The following MRPL20 variants were observed in gnomAD, a reference collection of about 807,000 sequenced individuals.
MRPL20 encodes mitochondrial ribosomal protein L20.
MRPL20 carries 21 observed loss-of-function variants against 20.0 expected under a neutral mutation model. The observed-to-expected ratio is 1.05, with a 90% CI of 0.74 to 1.51. MRPL20 has a LOEUF of 1.51. Among genes scored for constraint, MRPL20 ranks in the 40% most tolerant of loss-of-function variants. The pLI, the probability that MRPL20 is intolerant of heterozygous loss-of-function variation, is 0.00. For synonymous variants in MRPL20, 104 were observed against 73.0 expected (o/e 1.43, Z -2.17); for missense variants, 252 against 185.6 (o/e 1.36, Z -2.08).
intron 3 of MRPL20, 158 bp downstream of exon 3, chr1:1,405,651 C>A (rs778913981): frequency 3.9e-6 from 5 of 1,286,276 alleles, no homozygotes; most frequent in Admixed American, 3.6e-5. Flanking sequence ...CATGGACACC[C>A]CATCAGCATA....
chr1:1,403,399 G>T (rs772300513), intron 3 of MRPL20, among the ~76,000 whole-genome samples: 4 of 151,576 alleles, frequency 2.6e-5, no homozygotes, highest in African/African-American at 9.7e-5. Context: ...GCCCGCCACC[G>T]CACCTGGCTA....
chr1:1,405,823 C>A lies in MRPL20; in HGVS notation c.262G>T (p.Gly88Trp). ...EHGLKYPALI[G>W]NLVKCQVELN... ...CTCACCCATACCTTAACTAAATTCC[C>A]AATGAGCGCTGGATACTTCAGTCCA... Residue 88 changes from glycine (G) to tryptophan (W), a missense_variant, in exon 3 of 4, where the codon GGG (glycine) becomes TGG (tryptophan). Gly to Trp is a radical substitution (Grantham distance 184). Coordinates refer to ENST00000344843, the MANE Select transcript of MRPL20 (RefSeq NM_017971.4). The A allele has an allele frequency of 6.2e-7, 1 of 1,614,138 alleles. No individual in the cohort carries two copies. Among genetic ancestry groups the A allele is most frequent in the Non-Finnish European group, 8.5e-7 (1 of 1,180,024 alleles).
In MRPL20 at chr1:1,406,946, G is replaced by A. The variant is rs1426409912; in HGVS notation, c.161C>T (p.Thr54Ile). ...RTVIRAFVKCTKARYLKKKNM... is the reference protein window; with the variant it reads ...RTVIRAFVKCIKARYLKKKNM... ...CTTTTTCTTCAGGTATCGGGCTTTGGTGCATTTCACAAAGGCTCGAATCAC... is the reference window on the plus strand; with the variant it reads ...CTTTTTCTTCAGGTATCGGGCTTTGATGCATTTCACAAAGGCTCGAATCAC... The change falls in exon 2 of 4, where the codon ACC becomes ATC. Residue 54 changes from threonine to isoleucine, a missense_variant. By Grantham distance (89) the Thr-to-Ile change is moderately conservative. Coordinates refer to ENST00000344843, the MANE Select transcript of MRPL20 (RefSeq NM_017971.4). 2 of 1,613,800 alleles carry A rather than the reference G, an allele frequency of 1.2e-6. No individual in the cohort carries two copies. Among genetic ancestry groups the A allele is most frequent in the South Asian group, 1.1e-5 (1 of 91,078 alleles).
chr1:1,403,984 A>G (rs557178393), intron 3 of MRPL20, among the ~76,000 whole-genome samples: 2 of 146,688 alleles, frequency 1.4e-5, no homozygotes, highest in East Asian at 2.1e-4. Context: ...ATACAGGCGC[A>G]TGCCAGCACC....
chr1:1,405,693 G>A (rs763289732), intron 3 of MRPL20, 116 bp downstream of exon 3: 4 of 1,560,214 alleles, frequency 2.6e-6, no homozygotes, highest in Non-Finnish European at 3.5e-6. Context: ...AGTCTCCAGG[G>A]ATCCTCTGGC....
At chr1:1,405,649 C>A in intron 3 of MRPL20, 160 bp downstream of exon 3, 1 of 1,270,678 alleles carries the variant, frequency 7.9e-7, no homozygotes, top group Non-Finnish European at 1.1e-6. Context: ...AACATGGACA[C>A]CCCATCAGCA....
At position 1,407,255 on chromosome 1, in the gene MRPL20, C is replaced by A; in HGVS notation, c.-38G>T. On this transcript the variant is annotated 5_prime_UTR_variant, in exon 1 of 4. Transcript: ENST00000344843. ...CCGGCGTCCCGAACACTCAACAACG[C>A]ACGCGCAGCGCCGCTGCCATCTTGC... 6.6e-7 allele frequency: 1 copy of A among 1,525,022 alleles called. No individual in the cohort carries two copies. The highest frequency in any genetic ancestry group is 8.9e-7 in the Non-Finnish European group (1 of 1,120,604). The allele number at this position is 1,525,022 out of a possible 1,614,324, so 94.5% of individuals were successfully genotyped here. A position where few individuals can be genotyped will look rare whatever the true frequency, so the allele number is the denominator to read the frequency against.
At chr1:1,404,569 C>T (rs1179095214) in intron 3 of MRPL20, among the ~76,000 whole-genome samples, 1 of 151,130 alleles carries the variant, frequency 6.6e-6, no homozygotes, top group Non-Finnish European at 1.5e-5. Flanking sequence ...GGCGTGAACT[C>T]GGCTCACTGC....
chr1:1,404,857 C>CCAGTG (rs1557750709), intron 3 of MRPL20, among the ~76,000 whole-genome samples: 2 of 152,146 alleles, frequency 1.3e-5, no homozygotes, highest in Admixed American at 1.3e-4. Context: ...CTGCTGCCAA[C>CCAGTG]CAGTGCGGTA....
Position 1,407,114 on chromosome 1 carries a change from G to A in MRPL20, c.87+17C>T, listed in dbSNP as rs757242990. On this transcript the variant is annotated intron_variant, in intron 1 of 3. Coordinates refer to ENST00000344843, the MANE Select transcript of MRPL20 (RefSeq NM_017971.4). The stretch of plus-strand genomic sequence containing the variant: ...ACCCCGGGCGCCCAGTGCCCAGGCC[G>A]GGCAGGCGGCACTCACCCTGGCGTG... 1 of 1,607,128 alleles carries A rather than the reference G, an allele frequency of 6.2e-7. No individual in the cohort carries two copies. The highest frequency in any genetic ancestry group is 8.5e-7 in the Non-Finnish European group (1 of 1,175,970).
chr1:1,402,769 G>C (rs537236536), intron 3 of MRPL20, among the ~76,000 whole-genome samples: 44 of 152,232 alleles, frequency 2.9e-4, no homozygotes, highest in African/African-American at 1.1e-3. Flanking sequence ...GGTCACCTGA[G>C]GTCGGAAGTT....
intron 3 of MRPL20, 39 bp downstream of exon 3, chr1:1,405,770 T>C (rs763925047): frequency 1.2e-6 from 2 of 1,614,138 alleles, no homozygotes; most frequent in Non-Finnish European, 1.7e-6. Context: ...TTTCTGCAGA[T>C]GTCCAGAATT....
chr1:1,405,715 G>A, intron 3 of MRPL20, 94 bp downstream of exon 3: 1 of 1,605,814 alleles, frequency 6.2e-7, no homozygotes, highest in Non-Finnish European at 8.5e-7. Flanking sequence ...TCAGCCTCCT[G>A]ATTAGCTGGG....
chr1:1,405,557 TCCAG>T (rs1645375354), intron 3 of MRPL20: 2 of 654,284 alleles, frequency 3.1e-6, no homozygotes, highest in Non-Finnish European at 5.5e-6. Flanking sequence ...CTGCTCCGTT[TCCAG>T]CCTGGGCTGG....
At chr1:1,402,439 G>A (rs1364188396) in intron 3 of MRPL20, 183 bp from the exon 4 acceptor site, 11 of 1,374,320 alleles carry the variant, frequency 8.0e-6, no homozygotes, top group Non-Finnish European at 1.0e-5. Context: ...AAGGATAAAT[G>A]TGGACACGGG....
intron 2 of MRPL20, 34 bp downstream of exon 2, chr1:1,406,875 C>T: frequency 6.4e-7 from 1 of 1,573,712 alleles, no homozygotes; most frequent in East Asian, 2.2e-5. Context: ...GCCGCGAGTG[C>T]GCTGGCCGGC....
In MRPL20 at chr1:1,406,893, C is replaced by T. The variant is rs1275953652; in HGVS notation, c.198+16G>A. On this transcript the variant is annotated intron_variant, in intron 2 of 3. Coordinates refer to ENST00000344843, the MANE Select transcript of MRPL20 (RefSeq NM_017971.4). The stretch of plus-strand genomic sequence containing the variant: ...GCGAGTGCGCTGGCCGGCGGGTGTC[C>T]CGGGTCCACGCTTACGGTCCTCATG... 1 of 1,604,258 alleles carries T rather than the reference C, an allele frequency of 6.2e-7. No homozygotes were observed. The highest frequency in any genetic ancestry group is 1.7e-5 in the Admixed American group (1 of 59,908).
intron 3 of MRPL20, chr1:1,402,739 T>G (rs1645344950): frequency 1.6e-6 from 1 of 644,224 alleles, no homozygotes; most frequent in Non-Finnish European, 1.9e-6. Flanking sequence ...TCCCAGCACT[T>G]TGGGAGGCCA....
chr1:1,405,965 G>C (rs990724023), intron 2 of MRPL20, 79 bp from the exon 3 acceptor site: 2 of 1,532,926 alleles, frequency 1.3e-6, no homozygotes, highest in Non-Finnish European at 1.8e-6. Flanking sequence ...TTGATCTAAA[G>C]AATATTTTTC....
Sources: gnomAD v4.1 joint callset for allele counts (sites outside exome capture counted in the v4.1 genomes callset) on GRCh38, gnomAD v4.1.1 for gene constraint, MANE v1.5 for transcripts, NCBI Gene and HGNC (gene_info 2026-07-23, HGNC 2026-07-21) for gene names.